Variants in SLC26A7 observed in about 807,000 individuals in gnomAD.
SLC26A7 encodes the protein anion exchange transporter.
In SLC26A7, 59 loss-of-function variants were observed where a neutral mutation model predicts 82.5. The ratio of observed to expected loss-of-function variants is 0.72; its 90% CI spans 0.58 to 0.89. SLC26A7 has a LOEUF of 0.89. Among genes scored for constraint, SLC26A7 ranks in the 40% least tolerant of loss-of-function variants. The probability of loss-of-function intolerance (pLI) is 0.00; values close to 1 mark genes in which losing one functional copy is unlikely to be tolerated. For synonymous variants in SLC26A7, 271 were observed against 274.3 expected (o/e 0.99, Z 0.12); for missense variants, 820 against 793.0 (o/e 1.03, Z -0.41).
intron 8 of SLC26A7, among the ~76,000 whole-genome samples, chr8:91,342,634 T>C (rs768743101): frequency 6.6e-6 from 1 of 152,034 alleles, no homozygotes; most frequent in Non-Finnish European, 1.5e-5. Flanking sequence ...GAGAACCAGG[T>C]TGGGTGGTAG....
chr8:91,261,485 G>A (rs143602621), intron 2 of SLC26A7, among the ~76,000 whole-genome samples: 2,067 of 152,064 alleles, frequency 0.014, 15 homozygotes, highest in Non-Finnish European at 0.02. Context: ...CCAGGGAGTC[G>A]CCAAAGAATT....
intron 2 of SLC26A7, among the ~76,000 whole-genome samples, chr8:91,240,924 C>G (rs1228814367): frequency 6.6e-6 from 1 of 152,074 alleles, no homozygotes; most frequent in Non-Finnish European, 1.5e-5. Context: ...TATTATAGGT[C>G]CAGGGCCATG....
Position 91,295,572 on chromosome 8 carries a change from G to T in SLC26A7, c.346G>T (p.Glu116Ter). 1 of 1,613,892 alleles carries T rather than the reference G, an allele frequency of 6.2e-7. No homozygotes were observed. The highest frequency in any genetic ancestry group is 1.1e-5 in the South Asian group (1 of 91,010). The change falls in exon 4 of 19, where the codon GAA becomes TAA. Residue 116 changes from glutamate (E) to a stop codon, truncating the protein, a stop_gained. Transcript: ENST00000276609. LOFTEE classifies it high-confidence loss of function. The stretch of plus-strand genomic sequence containing the variant: ...ATCCTTAATATCAGCCAACGCCGTG[G>T]AACGGATTGTCCCTCAGAACATGCA... ...LTSLISANAV[E>*]RIVPQNMQNL... is the part of the protein sequence containing the mutation.
chr8:91,328,088 T>G (rs2130821824), intron 5 of SLC26A7, among the ~76,000 whole-genome samples: 1 of 152,242 alleles, frequency 6.6e-6, no homozygotes, highest in East Asian at 1.9e-4. Flanking sequence ...GAGCAGAAAG[T>G]TTATTTAATT....
At chr8:91,263,915 CA>C (rs1347801564) in intron 2 of SLC26A7, among the ~76,000 whole-genome samples, 3 of 151,764 alleles carry the variant, frequency 2.0e-5, no homozygotes, top group African/African-American at 7.3e-5. Context: ...AGGAGTTGTT[CA>C]ATAAATATTA....
chr8:91,212,816 G>A (rs937686818), intron 1 of SLC26A7, among the ~76,000 whole-genome samples: 14 of 152,206 alleles, frequency 9.2e-5, no homozygotes, highest in African/African-American at 3.4e-4. Flanking sequence ...AAAGTCATAA[G>A]TATTTATTTA....
At chr8:91,278,887 A>T (rs1488350372) in intron 2 of SLC26A7, among the ~76,000 whole-genome samples, 1 of 151,770 alleles carries the variant, frequency 6.6e-6, no homozygotes. Context: ...TTTGACCAAC[A>T]TATCTCCAAT....
At chr8:91,246,727 AG>A (rs1419411423), upstream of SLC26A7, among the ~76,000 whole-genome samples, 1 of 151,728 alleles carries the variant, frequency 6.6e-6, no homozygotes, top group African/African-American at 2.4e-5. Context: ...AAAACGGAAA[AG>A]TAATGGCCAG....
At chr8:91,376,780 G>A (rs943229564) in intron 15 of SLC26A7, among the ~76,000 whole-genome samples, 3 of 152,164 alleles carry the variant, frequency 2.0e-5, no homozygotes, top group African/African-American at 7.2e-5. Flanking sequence ...ATGGCAAGGG[G>A]AGATCATGTT....
rs555505319 is a variant in SLC26A7, at chr8:91,323,342, A to G, written c.642+4962A>G. Among the ~76,000 whole-genome samples, 19 of 152,330 alleles carry G rather than the reference A, an allele frequency of 1.2e-4. 1 individual carries two copies. In the South Asian group the frequency reaches 3.9e-3, roughly 32 times the overall value. ...GTAAATTTGTAGCCAATGTTACTTT[A>G]GGATTCTAAATCAGAGAGCAAATAT... On this transcript the variant is annotated intron_variant, in intron 5 of 18. Transcript: ENST00000276609.
chr8:91,375,245 A>G (rs1814478714), intron 15 of SLC26A7, among the ~76,000 whole-genome samples: 5 of 151,362 alleles, frequency 3.3e-5, no homozygotes, highest in Admixed American at 3.3e-4. Context: ...ATTCAAGGTT[A>G]ATATTGATTT....
intron 18 of SLC26A7, 164 bp downstream of exon 18, chr8:91,394,203 C>CCATTCTT: frequency 6.2e-7 from 1 of 1,611,330 alleles, no homozygotes; most frequent in South Asian, 1.1e-5. Flanking sequence ...AAGAATGTTT[C>CCATTCTT]CATTCTTTTT....
chr8:91,322,524 T>A (rs766108312), intron 5 of SLC26A7, among the ~76,000 whole-genome samples: 43 of 152,206 alleles, frequency 2.8e-4, no homozygotes, highest in South Asian at 8.3e-4. Flanking sequence ...ACAAAAAAAA[T>A]TTTTAAATTG....
At position 91,334,427 on chromosome 8, in the gene SLC26A7, C is replaced by A. The variant is rs776520984; in HGVS notation, c.775C>A (p.Leu259Ile). Residue 259 changes from leucine to isoleucine, a missense_variant, in exon 6 of 19, where the codon CTT (leucine) becomes ATT (isoleucine). By Grantham distance (5) the Leu-to-Ile change is conservative. Coordinates refer to ENST00000276609, the MANE Select transcript of SLC26A7 (RefSeq NM_052832.4). ...GTTTAAAAGGAAAATTAAAGTTGTT[C>A]TTCCTGTAGATTTAGTTTTGGTAAG... ...EQFKRKIKVV[L>I]PVDLVLIIAA... is the part of the protein sequence containing the mutation. 2.5e-6 allele frequency: 4 copies of A among 1,611,872 alleles called. No individual in the cohort carries two copies. Among genetic ancestry groups the A allele is most frequent in the Admixed American group, 1.7e-5 (1 of 59,748 alleles).
intron 9 of SLC26A7, chr8:91,344,021 T>A (rs1399406440): frequency 4.1e-6 from 4 of 977,304 alleles, no homozygotes; most frequent in Non-Finnish European, 4.9e-6. Flanking sequence ...ATGATGATGA[T>A]GATGACGATG....
At chr8:91,263,909 G>A (rs2130721400) in intron 2 of SLC26A7, among the ~76,000 whole-genome samples, 1 of 152,108 alleles carries the variant, frequency 6.6e-6, no homozygotes, top group East Asian at 1.9e-4. Context: ...GCACAAAGGA[G>A]TTGTTCAATA....
At chr8:91,318,855 C>T (rs1466222005) in intron 5 of SLC26A7, among the ~76,000 whole-genome samples, 1 of 151,774 alleles carries the variant, frequency 6.6e-6, no homozygotes, top group Non-Finnish European at 1.5e-5. Context: ...GAGAGTAGCA[C>T]CTGGCCATTT....
At chr8:91,328,820 AAAT>A (rs1813001158) in intron 5 of SLC26A7, among the ~76,000 whole-genome samples, 1 of 152,122 alleles carries the variant, frequency 6.6e-6, no homozygotes, top group Non-Finnish European at 1.5e-5. Flanking sequence ...CATCTAAAGA[AAAT>A]AATGAGAAGC....
intron 2 of SLC26A7, among the ~76,000 whole-genome samples, chr8:91,235,940 A>G (rs1810387350): frequency 6.6e-6 from 1 of 152,186 alleles, no homozygotes; most frequent in Non-Finnish European, 1.5e-5. Flanking sequence ...ATTTCTCTTG[A>G]CATTTCTGGA....
Sources: gnomAD v4.1 joint callset for allele counts (sites outside exome capture counted in the v4.1 genomes callset) on GRCh38, gnomAD v4.1.1 for gene constraint, MANE v1.5 for transcripts, NCBI Gene and HGNC (gene_info 2026-07-23, HGNC 2026-07-21) for gene names.